The following SH3D19 variants were observed in gnomAD, a reference collection of about 807,000 sequenced individuals.
SH3D19 encodes the protein SH3 domain-containing protein 19.
A neutral mutation model predicts 112.1 loss-of-function variants in SH3D19; 58 were observed. The ratio of observed to expected loss-of-function variants is 0.52; its 90% CI spans 0.42 to 0.64. SH3D19 has a LOEUF of 0.64. Among genes scored for constraint, SH3D19 ranks in the 30% least tolerant of loss-of-function variants. The pLI, the probability that SH3D19 is intolerant of heterozygous loss-of-function variation, is 0.00. For synonymous variants in SH3D19, 391 were observed against 448.5 expected (o/e 0.87, Z 1.62); for missense variants, 1,090 against 1,263.4 (o/e 0.86, Z 2.08).
At chr4:151,295,686 C>T (rs182303456) in intron 1 of SH3D19, among the ~76,000 whole-genome samples, 1 of 152,252 alleles carries the variant, frequency 6.6e-6, no homozygotes, top group Admixed American at 6.5e-5. Flanking sequence ...TTATTTCTGC[C>T]CACTGATTAG....
At chr4:151,218,418 T>C (rs552872255) in intron 2 of SH3D19, among the ~76,000 whole-genome samples, 19 of 152,154 alleles carry the variant, frequency 1.2e-4, no homozygotes, top group Non-Finnish European at 2.4e-4. Context: ...GCAGAGTTTT[T>C]TTTTTTTCTT....
intron 1 of SH3D19, chr4:151,226,611 G>T: frequency 3.0e-6 from 1 of 332,068 alleles, no homozygotes; most frequent in Non-Finnish European, 4.3e-6. Flanking sequence ...TGTTTCTCCA[G>T]TAATTAGATA....
At chr4:151,278,124 C>T (rs1269866404) in intron 1 of SH3D19, among the ~76,000 whole-genome samples, 2 of 152,134 alleles carry the variant, frequency 1.3e-5, no homozygotes, top group African/African-American at 4.8e-5. Flanking sequence ...CTGCAAAATG[C>T]CAATTCAGTT....
intron 1 of SH3D19, chr4:151,282,407 A>G: frequency 6.2e-7 from 1 of 1,613,756 alleles, no homozygotes; most frequent in Non-Finnish European, 8.5e-7. Context: ...AGTTAAGGAA[A>G]GTTCAGGTGA....
chr4:151,220,247 C>T (rs2407412), intron 2 of SH3D19, among the ~76,000 whole-genome samples: 105,621 of 152,100 alleles, frequency 0.69, 41,769 homozygotes, highest in Non-Finnish European at 0.89. Context: ...CTAAGAATCA[C>T]TTTGCTGAAT....
intron 1 of SH3D19, among the ~76,000 whole-genome samples, chr4:151,278,854 AACTCCTGG>A (rs1283612454): frequency 1.3e-5 from 2 of 152,072 alleles, no homozygotes; most frequent in Admixed American, 6.5e-5. Context: ...GCTGGTTTTG[AACTCCTGG>A]ACTTGAGCAA....
intron 8 of SH3D19, among the ~76,000 whole-genome samples, chr4:151,161,950 A>C (rs1757238290): frequency 6.6e-6 from 1 of 150,448 alleles, no homozygotes; most frequent in Non-Finnish European, 1.5e-5. Context: ...TTTTTAATTG[A>C]GCCTTTATTT....
intron 7 of SH3D19, among the ~76,000 whole-genome samples, chr4:151,173,839 A>T (rs1759476899): frequency 6.6e-6 from 1 of 152,230 alleles, no homozygotes; most frequent in African/African-American, 2.4e-5. Flanking sequence ...TATTAAGTTT[A>T]TATGTTCACA....
intron 1 of SH3D19, among the ~76,000 whole-genome samples, chr4:151,293,091 G>T (rs923183124): frequency 2.0e-5 from 3 of 152,082 alleles, no homozygotes; most frequent in Admixed American, 6.5e-5. Context: ...CTGCACTCCA[G>T]CCTGGGCGAG....
chr4:151,144,337 C>T (rs755835604), intron 11 of SH3D19: 4 of 1,534,014 alleles, frequency 2.6e-6, no homozygotes, highest in South Asian at 2.2e-5. Context: ...ATAACCTCCT[C>T]TTAAGTTGCT....
chr4:151,266,914 T>A (rs977124567), intron 1 of SH3D19, among the ~76,000 whole-genome samples: 1 of 152,116 alleles, frequency 6.6e-6, no homozygotes, highest in African/African-American at 2.4e-5. Flanking sequence ...CGTTTACAAA[T>A]GAAATAAAAA....
rs182437543 is a variant in SH3D19 at position 151,150,346 on chromosome 4, T to C, written c.1756-785A>G. Among the ~76,000 whole-genome samples the C allele has an allele frequency of 9.1e-3, 1,309 of 143,108 alleles. 14 individuals carry two copies. The highest frequency in any genetic ancestry group is 0.032 in the African/African-American group (1,242 of 38,426). The allele number at this position is 143,108 out of a possible 152,430, so 93.9% of individuals were successfully genotyped here. ...ACATATATATATATATACACACACA[T>C]ATATATATATACATGCTCTTTATTC... On this transcript the variant is annotated intron_variant, in intron 9 of 19. Transcript: ENST00000604030.
intron 8 of SH3D19, among the ~76,000 whole-genome samples, chr4:151,160,571 T>C (rs947982586): frequency 5.3e-5 from 8 of 152,242 alleles, no homozygotes; most frequent in South Asian, 2.1e-4. Flanking sequence ...GCAAAAACAA[T>C]TGGGAGAGTG....
At chr4:151,168,331 T>C (rs1561270434) in intron 7 of SH3D19, among the ~76,000 whole-genome samples, 1 of 151,932 alleles carries the variant, frequency 6.6e-6, no homozygotes, top group Non-Finnish European at 1.5e-5. Flanking sequence ...TTCCAAAAAC[T>C]GGATTTTACA....
intron 1 of SH3D19, among the ~76,000 whole-genome samples, chr4:151,305,464 A>G (rs1370323917): frequency 6.6e-6 from 1 of 152,226 alleles, no homozygotes; most frequent in Non-Finnish European, 1.5e-5. Flanking sequence ...TAGCTCTTTG[A>G]ACATATTTAA....
chr4:151,169,513 G>A (rs1758680036), intron 7 of SH3D19, among the ~76,000 whole-genome samples: 1 of 152,276 alleles, frequency 6.6e-6, no homozygotes, highest in Non-Finnish European at 1.5e-5. Flanking sequence ...TCAATGAGAC[G>A]GTGGAGCCAG....
At chr4:151,239,690 G>T (rs941066098) in intron 1 of SH3D19, among the ~76,000 whole-genome samples, 2 of 151,972 alleles carry the variant, frequency 1.3e-5, no homozygotes, top group African/African-American at 4.8e-5. Flanking sequence ...TATGTTGACA[G>T]AATTTTAAAG....
chr4:151,216,820 C>T (rs1443399176), intron 2 of SH3D19, among the ~76,000 whole-genome samples: 1 of 151,858 alleles, frequency 6.6e-6, no homozygotes, highest in Non-Finnish European at 1.5e-5. Context: ...TTTTCATTCC[C>T]ATCACACTAG....
At chr4:151,258,001 T>C (rs1330129705) in intron 1 of SH3D19, among the ~76,000 whole-genome samples, 2 of 152,174 alleles carry the variant, frequency 1.3e-5, no homozygotes, top group Admixed American at 6.5e-5. Context: ...GCTCTGTCAA[T>C]AGTCCCATGT....
Sources: gnomAD v4.1 joint callset for allele counts (sites outside exome capture counted in the v4.1 genomes callset) on GRCh38, gnomAD v4.1.1 for gene constraint, MANE v1.5 for transcripts, NCBI Gene and HGNC (gene_info 2026-07-23, HGNC 2026-07-21) for gene names.